CCDC192: variants seen among roughly 807,000 people sequenced by gnomAD.
The protein encoded by CCDC192 is coiled-coil domain containing 192.
At chr5:127,715,813 A>G (rs762596325) in intron 2 of CCDC192, among the ~76,000 whole-genome samples, 2 of 152,116 alleles carry the variant, frequency 1.3e-5, no homozygotes, top group Non-Finnish European at 2.9e-5. Context: ...TTGAAGTTTC[A>G]TATACAAAAG....
chr5:127,919,167 G>A (rs979027895), intron 6 of CCDC192, among the ~76,000 whole-genome samples: 3 of 149,336 alleles, frequency 2.0e-5, no homozygotes, highest in South Asian at 4.4e-4. Context: ...AGTAGCTCTC[G>A]GAAAATGATG....
chr5:127,858,428 G>A (rs1751200413), intron 5 of CCDC192, among the ~76,000 whole-genome samples: 1 of 152,128 alleles, frequency 6.6e-6, no homozygotes, highest in African/African-American at 2.4e-5. Context: ...CCCTTCAACT[G>A]TGAAAATCTT....
chr5:127,884,231 T>C (rs912446284), intron 6 of CCDC192, among the ~76,000 whole-genome samples: 2 of 150,494 alleles, frequency 1.3e-5, no homozygotes, highest in Non-Finnish European at 2.9e-5. Flanking sequence ...TAGTCCCAGC[T>C]ACTCGGGAGG....
At chr5:127,800,388 A>C (rs10054024) in intron 5 of CCDC192, among the ~76,000 whole-genome samples, 187 of 138,040 alleles carry the variant, frequency 1.4e-3, no homozygotes, top group African/African-American at 4.5e-3. Flanking sequence ...AAAAAAAAAA[A>C]AAAAAAAAAA....
intron 3 of CCDC192, among the ~76,000 whole-genome samples, chr5:127,791,662 C>T (rs1220258636): frequency 2.6e-5 from 4 of 152,158 alleles, no homozygotes; most frequent in African/African-American, 9.7e-5. Context: ...GTCTTTGCAA[C>T]ATTAGTTGAA....
At chr5:127,728,342 A>G (rs115769148) in intron 2 of CCDC192, among the ~76,000 whole-genome samples, 4,109 of 152,298 alleles carry the variant, frequency 0.027, 115 homozygotes, top group African/African-American at 0.075. Context: ...CTAACAGAGG[A>G]CCTCTCAGTG....
At chr5:127,731,421 G>A (rs775460590) in intron 2 of CCDC192, among the ~76,000 whole-genome samples, 6 of 151,986 alleles carry the variant, frequency 3.9e-5, no homozygotes, top group Non-Finnish European at 5.9e-5. Flanking sequence ...AATAAATATC[G>A]TAAAAATGGC....
intron 5 of CCDC192, among the ~76,000 whole-genome samples, chr5:127,807,037 G>T (rs542797144): frequency 6.6e-6 from 1 of 152,270 alleles, no homozygotes; most frequent in African/African-American, 2.4e-5. Context: ...CTCTACTTCT[G>T]TTCCTTCTGT....
At chr5:127,858,519 C>A (rs1751205030) in intron 5 of CCDC192, among the ~76,000 whole-genome samples, 1 of 152,218 alleles carries the variant, frequency 6.6e-6, no homozygotes, top group Non-Finnish European at 1.5e-5. Flanking sequence ...ATACTTGTCA[C>A]AGTTGGCAAC....
chr5:127,758,693 A>T (rs10051341), intron 3 of CCDC192, among the ~76,000 whole-genome samples: 42,323 of 152,132 alleles, frequency 0.28, 6,741 homozygotes, highest in Middle Eastern at 0.37. Context: ...AATAGATAAA[A>T]AAAAGGGTGA....
chr5:127,865,819 C>T (rs375216457), intron 5 of CCDC192, among the ~76,000 whole-genome samples: 5 of 151,968 alleles, frequency 3.3e-5, no homozygotes, highest in African/African-American at 9.7e-5. Context: ...TGGGTTATAT[C>T]TATCGTTGTC....
intron 2 of CCDC192, among the ~76,000 whole-genome samples, chr5:127,733,298 G>C (rs888973706): frequency 4.6e-5 from 7 of 152,110 alleles, no homozygotes; most frequent in Non-Finnish European, 8.8e-5. Context: ...AAAACCTACA[G>C]CTTGATGAGA....
intron 6 of CCDC192, among the ~76,000 whole-genome samples, chr5:127,880,504 A>T (rs1752306688): frequency 6.7e-6 from 1 of 150,134 alleles, no homozygotes; most frequent in South Asian, 2.1e-4. Context: ...CTAATGCTAG[A>T]TGACGAGTTA....
intron 5 of CCDC192, among the ~76,000 whole-genome samples, chr5:127,848,447 G>C (rs1430576469): frequency 1.3e-5 from 2 of 152,028 alleles, no homozygotes; most frequent in African/African-American, 2.4e-5. Flanking sequence ...CTTACTTCTA[G>C]CCTTCATATT....
intron 1 of CCDC192, among the ~76,000 whole-genome samples, chr5:127,704,947 A>G (rs574498439): frequency 3.3e-5 from 5 of 152,272 alleles, no homozygotes; most frequent in African/African-American, 1.2e-4. Flanking sequence ...GAATGAAGTA[A>G]AAAGTTTAGA....
chr5:127,844,508 T>C (rs114795814), intron 5 of CCDC192, among the ~76,000 whole-genome samples: 143 of 152,266 alleles, frequency 9.4e-4, no homozygotes, highest in African/African-American at 3.2e-3. Flanking sequence ...ACTTAAGCAA[T>C]TTTTCTTTGG....
intron 6 of CCDC192, among the ~76,000 whole-genome samples, chr5:127,890,035 A>G (rs1190180663): frequency 2.6e-5 from 4 of 152,006 alleles, no homozygotes; most frequent in African/African-American, 7.2e-5. Flanking sequence ...ATTGTCTCCT[A>G]TGTGGTCTGA....
rs1163929577 is a variant in CCDC192 at position 127,937,964 on chromosome 5, C to T, written c.536-3218C>T. Among the ~76,000 whole-genome samples, 4 of 152,154 alleles carry T rather than the reference C, an allele frequency of 2.6e-5. No homozygotes were observed. The East Asian group carries it at 5.8e-4, about 22-fold the overall frequency. ...AAGGAGAAGTCAAAGAGGAAGAAGA[C>T]GTCAGACAGGCACAGTGAGGTTCCA... On this transcript the variant is annotated intron_variant, in intron 6 of 6. Coordinates refer to ENST00000514853, the MANE Select transcript of CCDC192 (RefSeq NM_001317938.2).
At chr5:127,767,059 C>T (rs1755268950) in intron 3 of CCDC192, among the ~76,000 whole-genome samples, 2 of 152,202 alleles carry the variant, frequency 1.3e-5, no homozygotes, top group Admixed American at 1.3e-4. Flanking sequence ...GAGACAGACT[C>T]AAAGATAGCA....
Sources: allele counts gnomAD v4.1 joint callset (sites outside exome capture counted in the v4.1 genomes callset), GRCh38; gene constraint gnomAD v4.1.1; transcripts MANE v1.5; gene names NCBI Gene and HGNC (gene_info 2026-07-23, HGNC 2026-07-21).